ZNF735: variants seen among roughly 807,000 people sequenced by gnomAD.
ZNF735 encodes zinc finger protein 735.
In ZNF735, 11 loss-of-function variants were observed where a neutral mutation model predicts 13.4. The ratio of observed to expected loss-of-function variants is 0.82; its 90% CI spans 0.52 to 1.36. The LOEUF is 1.36. ZNF735 is among the 40% of genes most tolerant of loss of function. The pLI is 0.00. For missense variants in ZNF735, 500 were observed against 484.6 expected (o/e 1.03, Z -0.30); for synonymous variants, 171 against 162.6 (o/e 1.05, Z -0.39).
chr7:64,220,114 T>C, exon 4 of ZNF735: 1 of 1,613,540 alleles, frequency 6.2e-7, no homozygotes, highest in South Asian at 1.1e-5. Flanking sequence ...ACCCTACACA[T>C]GTGAAGAATG....
Position 64,219,303 on chromosome 7 carries a change from A to G in ZNF735, c.263-11A>G, listed in dbSNP as rs746875975. 4.2e-5 allele frequency: 67 copies of G among 1,605,230 alleles called. No individual in the cohort carries two copies. The highest frequency in any genetic ancestry group is 5.3e-5 in the Non-Finnish European group (63 of 1,177,768). On this transcript the variant is annotated splice_polypyrimidine_tract_variant and intron_variant, in intron 3 of 3. Coordinates refer to ENST00000429565, the Ensembl canonical transcript of ZNF735. ...GTAAGTGGAGTAACTTGTGATTTTTATGTCTTTCAGTTACATGTTCTCATT... is the reference window on the plus strand; with the variant it reads ...GTAAGTGGAGTAACTTGTGATTTTTGTGTCTTTCAGTTACATGTTCTCATT...
chr7:64,209,765 A>G (rs994054094), intron 1 of ZNF735, among the ~76,000 whole-genome samples: 1 of 152,112 alleles, frequency 6.6e-6, no homozygotes, highest in African/African-American at 2.4e-5. Flanking sequence ...TTTTAAATTG[A>G]GATCTTTCTA....
At chr7:64,212,621 C>T (rs1239226196) in intron 1 of ZNF735, among the ~76,000 whole-genome samples, 1 of 151,914 alleles carries the variant, frequency 6.6e-6, no homozygotes, top group African/African-American at 2.4e-5. Context: ...GGAGAAACCC[C>T]TTCTCTACTA....
chr7:64,216,435 T>C (rs553177054), intron 3 of ZNF735, among the ~76,000 whole-genome samples: 35 of 152,336 alleles, frequency 2.3e-4, no homozygotes, highest in African/African-American at 8.4e-4. Flanking sequence ...ATGTTGAGCC[T>C]TGAGCAAAAA....
intron 1 of ZNF735, among the ~76,000 whole-genome samples, chr7:64,210,811 C>T (rs188177996): frequency 7.9e-5 from 12 of 152,242 alleles, no homozygotes; most frequent in Admixed American, 7.9e-4. Flanking sequence ...TTCTGCAAGT[C>T]TCGGTCTTTC....
chr7:64,219,992 A>T (rs764600398), exon 4 of ZNF735: 1 of 1,613,164 alleles, frequency 6.2e-7, no homozygotes, highest in South Asian at 1.1e-5. Flanking sequence ...GCCCTCATTT[A>T]CCACAAGAGA....
chr7:64,219,281 A>G, intron 3 of ZNF735, 33 bp from the exon 4 acceptor site: 1 of 1,596,744 alleles, frequency 6.3e-7, no homozygotes, highest in Non-Finnish European at 8.5e-7. Flanking sequence ...GAGTCTAGTA[A>G]GTGGAGTAAC....
intron 3 of ZNF735, among the ~76,000 whole-genome samples, 181 bp from the exon 4 acceptor site, chr7:64,219,133 C>CA (rs2116489276): frequency 6.6e-6 from 1 of 152,268 alleles, no homozygotes; most frequent in Non-Finnish European, 1.5e-5. Context: ...AAACTTCCAA[C>CA]AAAGGTATTT....
intron 1 of ZNF735, among the ~76,000 whole-genome samples, chr7:64,212,687 G>A (rs533652753): frequency 2.0e-5 from 3 of 152,000 alleles, no homozygotes; most frequent in East Asian, 3.9e-4. Context: ...CAGCTACTCG[G>A]GAGACTGAGG....
In ZNF735 at chr7:64,217,281, A is replaced by G. The variant is rs139406570; in HGVS notation, c.263-2033A>G. Among the ~76,000 whole-genome samples, 342 of 152,252 alleles carry G rather than the reference A, an allele frequency of 2.2e-3. 2 individuals are homozygous for G. Among genetic ancestry groups the G allele is most frequent in the African/African-American group, 8.0e-3 (331 of 41,560 alleles). Reference sequence around the variant, plus strand: ...TGGTTCTTTTTTGCCTTCCACTGTAATTGCAAGCTTCCTCATATCCTCACC... The same window carrying G: ...TGGTTCTTTTTTGCCTTCCACTGTAGTTGCAAGCTTCCTCATATCCTCACC... On this transcript the variant is annotated intron_variant, in intron 3 of 3. Coordinates refer to ENST00000429565, the Ensembl canonical transcript of ZNF735.
intron 1 of ZNF735, among the ~76,000 whole-genome samples, chr7:64,210,688 T>C (rs1787346248): frequency 1.3e-5 from 2 of 152,136 alleles, no homozygotes; most frequent in Non-Finnish European, 2.9e-5. Flanking sequence ...TGGAGTCTGA[T>C]AGGGGAGGGC....
chr7:64,218,634 A>T (rs1484158973), intron 3 of ZNF735, among the ~76,000 whole-genome samples: 1 of 151,980 alleles, frequency 6.6e-6, no homozygotes, highest in Non-Finnish European at 1.5e-5. Flanking sequence ...TTATTTTTAT[A>T]GTTGCTTTTC....
chr7:64,207,778 G>T (rs1787306642), intron 1 of ZNF735, among the ~76,000 whole-genome samples: 1 of 152,148 alleles, frequency 6.6e-6, no homozygotes, highest in Admixed American at 6.5e-5. Flanking sequence ...CACGAGGTCA[G>T]GTGTTCGAGA....
chr7:64,211,133 AAT>A (rs1787355113), intron 1 of ZNF735, among the ~76,000 whole-genome samples: 1 of 152,126 alleles, frequency 6.6e-6, no homozygotes, highest in African/African-American at 2.4e-5. Flanking sequence ...TTCTGAAAAA[AAT>A]ATTTTTTTTC....
At chr7:64,219,861 A>G (rs1166707883) in exon 4 of ZNF735, 1 of 1,613,926 alleles carries the variant, frequency 6.2e-7, no homozygotes, top group Non-Finnish European at 8.5e-7. Flanking sequence ...AACCCTACGC[A>G]TGTGAAGAAT....
chr7:64,212,377 A>G (rs1787370672), intron 1 of ZNF735, among the ~76,000 whole-genome samples: 1 of 152,242 alleles, frequency 6.6e-6, no homozygotes, highest in Non-Finnish European at 1.5e-5. Flanking sequence ...AAAATCTCAC[A>G]ACAAAATATT....
chr7:64,209,329 A>G (rs1787330312), intron 1 of ZNF735, among the ~76,000 whole-genome samples: 1 of 149,942 alleles, frequency 6.7e-6, no homozygotes, highest in African/African-American at 2.5e-5. Flanking sequence ...TTTACACAGA[A>G]TCAACTTCTG....
At chr7:64,219,597 G>A (rs765353418) in exon 4 of ZNF735, 1 of 1,574,408 alleles carries the variant, frequency 6.4e-7, no homozygotes, top group South Asian at 1.1e-5. Context: ...ATACTGGAAA[G>A]AAACATTTGA....
At chr7:64,212,074 A>G (rs928259283) in intron 1 of ZNF735, among the ~76,000 whole-genome samples, 8 of 152,100 alleles carry the variant, frequency 5.3e-5, no homozygotes, top group African/African-American at 1.7e-4. Context: ...TTTTTCCACG[A>G]TAGAGTTAAT....
Sources: allele counts gnomAD v4.1 joint callset (sites outside exome capture counted in the v4.1 genomes callset), GRCh38; gene constraint gnomAD v4.1.1; transcripts MANE v1.5; gene names NCBI Gene and HGNC (gene_info 2026-07-23, HGNC 2026-07-21).